GPC6: variants seen among roughly 807,000 people sequenced by gnomAD.
The protein encoded by GPC6 is glypican-6.
GPC6 carries 14 observed loss-of-function variants against 55.2 expected under a neutral mutation model. The ratio of observed to expected loss-of-function variants is 0.25; its 90% CI spans 0.17 to 0.40. The LOEUF is 0.40. Ranked by LOEUF, GPC6 falls within the 10% of genes least tolerant of loss-of-function variation. GPC6 has a pLI of 1.00. For missense variants in GPC6, 641 were observed against 708.5 expected, an observed-to-expected ratio of 0.90 and a Z score of 1.08; for synonymous variants, 278 against 259.6, an observed-to-expected ratio of 1.07 and a Z score of -0.68.
chr13:93,262,731 A>G (rs542294173), intron 1 of GPC6, among the ~76,000 whole-genome samples: 7 of 152,216 alleles, frequency 4.6e-5, no homozygotes, highest in African/African-American at 1.7e-4. Flanking sequence ...CCCAAGTTGC[A>G]TTTTATTCCA....
At chr13:93,312,044 G>A (rs1335449581) in intron 1 of GPC6, among the ~76,000 whole-genome samples, 1 of 152,128 alleles carries the variant, frequency 6.6e-6, no homozygotes, top group Non-Finnish European at 1.5e-5. Flanking sequence ...CATTAGGAAA[G>A]TTACTTTGGC....
intron 3 of GPC6, among the ~76,000 whole-genome samples, chr13:93,844,975 A>G (rs947852724): frequency 1.1e-4 from 16 of 152,124 alleles, no homozygotes; most frequent in South Asian, 2.1e-4. Flanking sequence ...CGTTATTTCT[A>G]AGGGCTCTGT....
At chr13:93,506,170 C>G (rs1014818105) in intron 1 of GPC6, among the ~76,000 whole-genome samples, 2 of 152,112 alleles carry the variant, frequency 1.3e-5, no homozygotes, top group African/African-American at 4.8e-5. Flanking sequence ...CACTCCACCC[C>G]ACTTCTATCA....
chr13:93,326,176 G>A (rs1172383133), intron 1 of GPC6, among the ~76,000 whole-genome samples: 2 of 152,100 alleles, frequency 1.3e-5, no homozygotes, highest in African/African-American at 2.4e-5. Flanking sequence ...GATGACATTG[G>A]GTTTTGGATA....
rs926312262 is a variant in GPC6, at chr13:94,175,929, A to T, written c.878-110420A>T. Among the ~76,000 whole-genome samples the T allele has an allele frequency of 2.9e-5, 4 of 137,970 alleles. No individual in the cohort carries two copies. In the South Asian group the frequency reaches 9.4e-4, roughly 33 times the overall value. 90.5% of individuals were successfully genotyped at this position (137,970 alleles called of 152,430 possible). ...TATATTTTCCCAAAAGGGAGTATCC[A>T]AATGAGCCATATATATATATATATA... On this transcript the variant is annotated intron_variant, in intron 4 of 8. Coordinates refer to ENST00000377047, the MANE Select transcript of GPC6 (RefSeq NM_005708.5).
At chr13:93,515,048 A>G (rs1881132937) in intron 1 of GPC6, among the ~76,000 whole-genome samples, 1 of 152,236 alleles carries the variant, frequency 6.6e-6, no homozygotes, top group South Asian at 2.1e-4. Flanking sequence ...GGCTCATGGT[A>G]GTATCTGTGT....
intron 2 of GPC6, among the ~76,000 whole-genome samples, chr13:93,734,648 G>T (rs1883935816): frequency 6.6e-6 from 1 of 152,112 alleles, no homozygotes; most frequent in Non-Finnish European, 1.5e-5. Context: ...ACACCAAATT[G>T]TGATGGAGAT....
intron 2 of GPC6, among the ~76,000 whole-genome samples, chr13:93,650,062 T>A (rs1880339898): frequency 6.6e-6 from 1 of 152,192 alleles, no homozygotes; most frequent in Non-Finnish European, 1.5e-5. Flanking sequence ...AAAATTCACA[T>A]GTTTCGTGAT....
At chr13:94,177,310 A>G (rs1019159852) in intron 4 of GPC6, among the ~76,000 whole-genome samples, 1 of 152,222 alleles carries the variant, frequency 6.6e-6, no homozygotes, top group Non-Finnish European at 1.5e-5. Context: ...GGATATCAAC[A>G]TTTAAAAAAT....
At chr13:93,300,449 C>G (rs1296381952) in intron 1 of GPC6, among the ~76,000 whole-genome samples, 2 of 148,836 alleles carry the variant, frequency 1.3e-5, no homozygotes, top group African/African-American at 5.0e-5. Context: ...GAGATTGAGA[C>G]CATCCTGGCT....
chr13:94,195,661 C>T (rs555136104), intron 4 of GPC6, among the ~76,000 whole-genome samples: 24 of 152,300 alleles, frequency 1.6e-4, no homozygotes, highest in African/African-American at 5.3e-4. Flanking sequence ...ATAAAGAACT[C>T]AGTGCAATAC....
chr13:94,103,538 T>C (rs763932665), intron 4 of GPC6, among the ~76,000 whole-genome samples: 27 of 152,186 alleles, frequency 1.8e-4, no homozygotes, highest in Non-Finnish European at 3.5e-4. Context: ...CCACATCCTC[T>C]CCAGCACCTG....
chr13:93,373,715 A>C (rs1163484091), intron 1 of GPC6, among the ~76,000 whole-genome samples: 1 of 152,194 alleles, frequency 6.6e-6, no homozygotes, highest in Non-Finnish European at 1.5e-5. Flanking sequence ...TAACTAAACA[A>C]ATTTATGTTA....
intron 4 of GPC6, among the ~76,000 whole-genome samples, chr13:94,166,692 C>T (rs548833193): frequency 6.6e-6 from 1 of 152,094 alleles, no homozygotes; most frequent in Admixed American, 6.5e-5. Context: ...AATCATCACT[C>T]ATAATAATAC....
At chr13:94,332,172 T>A (rs538967527) in intron 6 of GPC6, among the ~76,000 whole-genome samples, 1 of 152,244 alleles carries the variant, frequency 6.6e-6, no homozygotes, top group Non-Finnish European at 1.5e-5. Context: ...TCTTTTATAA[T>A]TCTTTTGGGC....
In GPC6 at chr13:93,633,123, T is replaced by C. The variant is rs552225689; in HGVS notation, c.319+87702T>C. Among the ~76,000 whole-genome samples, 351 of 152,340 alleles carry C rather than the reference T, an allele frequency of 2.3e-3. 1 individual carries two copies. Among genetic ancestry groups the C allele is most frequent in the Non-Finnish European group, 4.1e-3 (277 of 68,034 alleles). ...GTTGAATTCTGCATTTAATGTGTTC[T>C]CATGGGTCATACTTGTGAGAAACTG... On this transcript the variant is annotated intron_variant, in intron 2 of 8. Coordinates refer to ENST00000377047, the MANE Select transcript of GPC6 (RefSeq NM_005708.5).
At chr13:93,467,727 G>A (rs997396795) in intron 1 of GPC6, among the ~76,000 whole-genome samples, 5 of 151,666 alleles carry the variant, frequency 3.3e-5, no homozygotes, top group East Asian at 3.9e-4. Flanking sequence ...TGGGACCACC[G>A]GCATGCACCA....
At chr13:93,540,358 A>G (rs865827458) in intron 1 of GPC6, among the ~76,000 whole-genome samples, 2 of 152,318 alleles carry the variant, frequency 1.3e-5, no homozygotes, top group East Asian at 1.9e-4. Context: ...ATAAATGATT[A>G]TAGATAAAAG....
chr13:93,745,411 G>T (rs759438841), intron 2 of GPC6, among the ~76,000 whole-genome samples: 6 of 151,908 alleles, frequency 3.9e-5, no homozygotes, highest in Non-Finnish European at 7.4e-5. Context: ...ATCTTCATCT[G>T]TGACCCTCTC....
Sources: allele counts gnomAD v4.1 joint callset (sites outside exome capture counted in the v4.1 genomes callset), GRCh38; gene constraint gnomAD v4.1.1; transcripts MANE v1.5; gene names NCBI Gene and HGNC (gene_info 2026-07-23, HGNC 2026-07-21).